KLHL13: variants seen among roughly 807,000 people sequenced by gnomAD.
KLHL13 encodes the protein kelch like family member 13.
A neutral mutation model predicts 37.1 loss-of-function variants in KLHL13; 10 were observed. The ratio of observed to expected loss-of-function variants is 0.27; its 90% CI spans 0.17 to 0.46. KLHL13 has a LOEUF of 0.46. Ranked by LOEUF, KLHL13 falls within the 20% of genes least tolerant of loss-of-function variation. KLHL13 has a pLI of 1.00. For missense variants in KLHL13, 360 were observed against 509.3 expected, an observed-to-expected ratio of 0.71 and a Z score of 2.82; for synonymous variants, 163 against 181.2, an observed-to-expected ratio of 0.90 and a Z score of 0.81.
chrX:117,964,483 G>A (rs1240344785), intron 1 of KLHL13, among the ~76,000 whole-genome samples: 2 of 112,252 alleles, frequency 1.8e-5, no homozygotes, highest in East Asian at 5.6e-4. Context: ...TGATCACAAG[G>A]ACTATGCCCC....
At chrX:117,955,320 A>G (rs1933846447) in intron 1 of KLHL13, among the ~76,000 whole-genome samples, 1 of 111,680 alleles carries the variant, frequency 9.0e-6, no homozygotes, top group African/African-American at 3.2e-5. Flanking sequence ...GAGAATGTTT[A>G]TTTATCTTTT....
chrX:117,903,179 C>CGAGAGAGAGA (rs56692141), intron 5 of KLHL13, among the ~76,000 whole-genome samples: 1,495 of 92,072 alleles, frequency 0.016, 53 homozygotes, highest in African/African-American at 0.059. Context: ...GAGAGGAGAG[C>CGAGAGAGAGA]GAGAGAGAGA....
chrX:118,043,858 T>C lies in KLHL13; in HGVS notation c.-56+72650A>G, dbSNP rs111414137. Among the ~76,000 whole-genome samples, 249 of 111,671 alleles carry C rather than the reference T, an allele frequency of 2.2e-3. 2 individuals carry two copies. The highest frequency in any genetic ancestry group is 7.9e-3 in the African/African-American group (244 of 30,796). ...AAAATATGGATGCCCACTTTCACCA[T>C]TGTTATTCAACATAGTACAGGAAGT... On this transcript the variant is annotated intron_variant, in intron 1 of 6. Transcript: ENST00000371882.
intron 4 of KLHL13, among the ~76,000 whole-genome samples, chrX:117,912,689 A>G (rs1931065025): frequency 8.9e-6 from 1 of 111,815 alleles, no homozygotes; most frequent in Admixed American, 9.4e-5. Flanking sequence ...GTATTCCATA[A>G]CCTTCCGAAC....
chrX:118,062,720 C>A lies in KLHL13; in HGVS notation c.-56+53788G>T, dbSNP rs1420076464. On this transcript the variant is annotated intron_variant, in intron 1 of 6. Transcript: ENST00000371882. ...GTTATATGTATATAAGTAGGTCACA[C>A]TATCTATGAATTCTATTTCCCACTA... Among the ~76,000 whole-genome samples, 3 of 110,341 alleles carry A rather than the reference C, an allele frequency of 2.7e-5. No homozygotes were observed. In the Admixed American group the frequency reaches 2.9e-4, roughly 11 times the overall value.
intron 1 of KLHL13, among the ~76,000 whole-genome samples, chrX:118,045,131 T>C (rs745884934): frequency 9.0e-6 from 1 of 110,953 alleles, no homozygotes; most frequent in Non-Finnish European, 1.9e-5. Context: ...CCCAGCACTT[T>C]GAGAGGCCAA....
chrX:118,067,392 C>A (rs7890236), intron 1 of KLHL13, among the ~76,000 whole-genome samples: 9,346 of 111,200 alleles, frequency 0.084, 351 homozygotes, highest in Middle Eastern at 0.14. Context: ...TAGGACATTA[C>A]TGTATACTGT....
chrX:117,945,720 T>A, intron 1 of KLHL13, 145 bp from the exon 3 acceptor site: 1 of 436,528 alleles, frequency 2.3e-6, no homozygotes, highest in Non-Finnish European at 3.8e-6. Flanking sequence ...TATACGCTTG[T>A]ACCACTCTTT....
At chrX:118,057,373 C>T (rs890487966) in intron 1 of KLHL13, among the ~76,000 whole-genome samples, 2 of 111,925 alleles carry the variant, frequency 1.8e-5, no homozygotes, top group Admixed American at 1.9e-4. Context: ...GGATCAAAAA[C>T]CTGTTAAGAG....
chrX:118,080,564 CCT>C (rs771024643), intron 1 of KLHL13, among the ~76,000 whole-genome samples: 1 of 111,663 alleles, frequency 9.0e-6, no homozygotes, highest in South Asian at 3.7e-4. Flanking sequence ...AATGAGATAC[CCT>C]CTTACACCAG....
At chrX:117,942,691 C>T (rs1197245036) in intron 2 of KLHL13, among the ~76,000 whole-genome samples, 1 of 111,261 alleles carries the variant, frequency 9.0e-6, no homozygotes, top group Non-Finnish European at 1.9e-5. Flanking sequence ...GGTAAATATT[C>T]TTCCATCCCT....
chrX:117,953,406 G>A (rs1038203370), intron 1 of KLHL13, among the ~76,000 whole-genome samples: 19 of 110,448 alleles, frequency 1.7e-4, no homozygotes, highest in Admixed American at 5.8e-4. Flanking sequence ...GACTGTTGTG[G>A]GGTGGGGGAA....
chrX:118,099,762 G>A (rs775011322), intron 1 of KLHL13, among the ~76,000 whole-genome samples: 7 of 109,652 alleles, frequency 6.4e-5, no homozygotes, highest in Non-Finnish European at 1.1e-4. Context: ...AGCTGAGATG[G>A]TGCCACTGCA....
chrX:118,073,827 T>C lies in KLHL13; in HGVS notation c.-56+42681A>G, dbSNP rs771329546. ...TTCTCTTCCTTGCCAGTAACTGTCA[T>C]GTGAGCCTGCCTCTATTTCACCCTC... On this transcript the variant is annotated intron_variant, in intron 1 of 6. Transcript: ENST00000371882. Among the ~76,000 whole-genome samples, 5 of 111,702 alleles carry C rather than the reference T, an allele frequency of 4.5e-5. 1 individual carries two copies. The highest frequency in any genetic ancestry group is 7.6e-4 in the South Asian group (2 of 2,637).
At chrX:118,032,964 T>C (rs1256652793) in intron 1 of KLHL13, among the ~76,000 whole-genome samples, 1 of 111,457 alleles carries the variant, frequency 9.0e-6, no homozygotes, top group Non-Finnish European at 1.9e-5. Flanking sequence ...CAGGAGCCGA[T>C]GCGATCAAAT....
chrX:117,916,484 C>A (rs980531228), intron 4 of KLHL13, among the ~76,000 whole-genome samples: 7 of 112,030 alleles, frequency 6.2e-5, no homozygotes, highest in African/African-American at 2.3e-4. Flanking sequence ...CAAATGATGG[C>A]AAAGTTAGAA....
intron 1 of KLHL13, among the ~76,000 whole-genome samples, chrX:118,051,608 T>C (rs1242713495): frequency 1.8e-5 from 2 of 109,913 alleles, no homozygotes; most frequent in African/African-American, 6.6e-5. Context: ...AAAGAATAAA[T>C]GACCCTGAAT....
chrX:118,009,151 C>T (rs1223053500), intron 1 of KLHL13, among the ~76,000 whole-genome samples: 1 of 102,592 alleles, frequency 9.7e-6, no homozygotes, highest in African/African-American at 3.6e-5. Flanking sequence ...TGGATATTAG[C>T]CCTTTGTCAG....
chrX:117,961,748 A>G (rs182631518), intron 1 of KLHL13, among the ~76,000 whole-genome samples: 1 of 111,005 alleles, frequency 9.0e-6, no homozygotes, highest in African/African-American at 3.3e-5. Flanking sequence ...TTTAACTTAT[A>G]GCCAACAAGA....
Sources: gnomAD v4.1 joint callset for allele counts (sites outside exome capture counted in the v4.1 genomes callset) on GRCh38, gnomAD v4.1.1 for gene constraint, MANE v1.5 for transcripts, NCBI Gene and HGNC (gene_info 2026-07-23, HGNC 2026-07-21) for gene names.